FLYWCH1: variants seen among roughly 807,000 people sequenced by gnomAD.
FLYWCH1 encodes the protein FLYWCH-type zinc finger-containing protein 1.
In FLYWCH1, 75 loss-of-function variants were observed where a neutral mutation model predicts 66.4. The observed-to-expected ratio is 1.13, with a 90% CI of 0.94 to 1.37. The LOEUF is 1.37. Among genes scored for constraint, FLYWCH1 ranks in the 40% most tolerant of loss-of-function variants. The pLI, the probability that FLYWCH1 is intolerant of heterozygous loss-of-function variation, is 0.00. For missense variants in FLYWCH1, 1,334 were observed against 1,001.8 expected (o/e 1.33, Z -4.48); for synonymous variants, 595 against 429.9 (o/e 1.38, Z -4.75).
intron 6 of FLYWCH1, 149 bp downstream of exon 6, chr16:2,934,128 T>A: frequency 1.9e-6 from 2 of 1,060,638 alleles, no homozygotes; most frequent in Non-Finnish European, 2.6e-6. Context: ...GGCCTCCTAC[T>A]CCTTGGCCCC....
intron 4 of FLYWCH1, among the ~76,000 whole-genome samples, chr16:2,932,395 G>A (rs1040327543): frequency 6.6e-6 from 1 of 151,912 alleles, no homozygotes; most frequent in African/African-American, 2.4e-5. Context: ...CTTAATTTCT[G>A]GAGTTTCAGG....
Position 2,938,243 on chromosome 16 carries a change from G to A in FLYWCH1, c.1837G>A (p.Glu613Lys), listed in dbSNP as rs554175554. The A allele has an allele frequency of 6.8e-5, 110 of 1,613,232 alleles. No individual in the cohort carries two copies. Among genetic ancestry groups the A allele is most frequent in the East Asian group, 4.7e-4 (21 of 44,870 alleles). The stretch of plus-strand genomic sequence containing the variant: ...CCTGGGGGGCAGGTTCCTGGTGCAC[G>A]AGTCCTTCCTCTACAGGAAGGAGAA... Reference protein sequence around the residue: ...TSLGGRFLVHESFLYRKEKAA... With the variant: ...TSLGGRFLVHKSFLYRKEKAA... The change falls in exon 8 of 10, where the codon GAG becomes AAG. Residue 613 changes from glutamate (E) to lysine (K), a missense_variant. Glu to Lys is a moderately conservative substitution (Grantham distance 56, BLOSUM62 1). Transcript: ENST00000253928.
At chr16:2,927,659 T>C (rs1389083642) in intron 2 of FLYWCH1, among the ~76,000 whole-genome samples, 1 of 152,212 alleles carries the variant, frequency 6.6e-6, no homozygotes, top group Non-Finnish European at 1.5e-5. Flanking sequence ...TAAAAAAGAA[T>C]TCCCCGGCTG....
chr16:2,919,660 G>T (rs1287199343), intron 2 of FLYWCH1, among the ~76,000 whole-genome samples: 2 of 152,142 alleles, frequency 1.3e-5, no homozygotes, highest in African/African-American at 2.4e-5. Flanking sequence ...CTCCCAAGTG[G>T]CTGGGACTAC....
intron 2 of FLYWCH1, among the ~76,000 whole-genome samples, chr16:2,917,337 C>T (rs904222963): frequency 6.7e-6 from 1 of 149,624 alleles, no homozygotes; most frequent in Admixed American, 6.7e-5. Context: ...ACAAGCGATT[C>T]TCCTGCCTCA....
intron 9 of FLYWCH1, among the ~76,000 whole-genome samples, chr16:2,947,167 G>C (rs116672904): frequency 1.3e-5 from 2 of 152,164 alleles, no homozygotes; most frequent in Non-Finnish European, 2.9e-5. Flanking sequence ...AAGTACTGAC[G>C]CATGCTACAA....
At position 2,933,249 on chromosome 16, in the gene FLYWCH1, G is replaced by A. The variant is rs1431742503; in HGVS notation, c.916G>A (p.Asp306Asn). 1 of 1,613,570 alleles carries A rather than the reference G, an allele frequency of 6.2e-7. No homozygotes were observed. Among genetic ancestry groups the A allele is most frequent in the Admixed American group, 1.7e-5 (1 of 59,992 alleles). ...GGACAAGGTGTATTGGACCTGCCGG[G>A]ACCACGCGCTGCACGGCTGCCGGAG... ...VGDKVYWTCR[D>N]HALHGCRSRA... Residue 306 changes from aspartate to asparagine, a missense_variant, in exon 5 of 10, where the codon GAC becomes AAC. By Grantham distance (23) the Asp-to-Asn change is conservative. Transcript: ENST00000253928.
At chr16:2,913,867 A>ATT (rs35627188) in intron 1 of FLYWCH1, among the ~76,000 whole-genome samples, 16 of 151,420 alleles carry the variant, frequency 1.1e-4, no homozygotes, top group African/African-American at 2.4e-4. Flanking sequence ...TTAAAAAAAA[A>ATT]TTTTTTTAGT....
At chr16:2,917,476 A>G (rs978781337) in intron 2 of FLYWCH1, among the ~76,000 whole-genome samples, 45 of 151,910 alleles carry the variant, frequency 3.0e-4, no homozygotes, top group Non-Finnish European at 5.6e-4. Context: ...TGATCCGCCC[A>G]TCTCAGCCTC....
At chr16:2,919,418 A>G (rs1474404310) in intron 2 of FLYWCH1, among the ~76,000 whole-genome samples, 2 of 151,876 alleles carry the variant, frequency 1.3e-5, no homozygotes, top group African/African-American at 4.8e-5. Context: ...GGCATGCGCC[A>G]CCACACCCAG....
chr16:2,925,456 T>G (rs1266451721), intron 2 of FLYWCH1, among the ~76,000 whole-genome samples: 2 of 143,100 alleles, frequency 1.4e-5, no homozygotes, highest in East Asian at 4.8e-4. Context: ...TCAGTCCCAC[T>G]CAGTCCCACT....
At chr16:2,944,691 C>T (rs1460196390) in intron 9 of FLYWCH1, among the ~76,000 whole-genome samples, 2 of 150,780 alleles carry the variant, frequency 1.3e-5, no homozygotes, top group Non-Finnish European at 3.0e-5. Flanking sequence ...GGCATGGTGG[C>T]GCCAGCCTGT....
At chr16:2,939,976 G>C (rs1318679780) in intron 8 of FLYWCH1, 56 bp from the exon 9 acceptor site, 1 of 1,547,140 alleles carries the variant, frequency 6.5e-7, no homozygotes. Flanking sequence ...CCTTGGTTCT[G>C]TCAGCTTCAA....
chr16:2,944,936 G>T (rs928886657), intron 9 of FLYWCH1, among the ~76,000 whole-genome samples: 8 of 152,170 alleles, frequency 5.3e-5, no homozygotes, highest in African/African-American at 1.7e-4. Flanking sequence ...AGCTCTAAAT[G>T]TATTATTGTC....
intron 9 of FLYWCH1, among the ~76,000 whole-genome samples, chr16:2,946,407 C>T (rs2071489449): frequency 2.1e-5 from 3 of 146,224 alleles, no homozygotes; most frequent in South Asian, 2.2e-4. Context: ...CTGCAACCTC[C>T]GCCTCCCAGG....
chr16:2,942,224 G>C (rs1343487353), intron 9 of FLYWCH1, among the ~76,000 whole-genome samples: 4 of 152,078 alleles, frequency 2.6e-5, no homozygotes, highest in African/African-American at 4.8e-5. Flanking sequence ...CTGACACCCA[G>C]GCTGGAGTGC....
rs1207364140 is a variant in FLYWCH1, at chr16:2,929,965, C to G, written c.280C>G (p.Pro94Ala). ...PVEEQGGVVQ[P>A]ALEMPEQKCS... ...TGAGGAGCAGGGAGGGGTGGTCCAG[C>G]CAGCCCTAGAGATGCCTGAACAGAA... Residue 94 changes from proline to alanine, a missense_variant, in exon 3 of 10, where the codon CCA becomes GCA. Transcript: ENST00000253928. The G allele has an allele frequency of 6.2e-7, 1 of 1,612,874 alleles. No homozygotes were observed. Among genetic ancestry groups the G allele is most frequent in the Non-Finnish European group, 8.5e-7 (1 of 1,179,498 alleles).
At chr16:2,944,423 A>G (rs58606299) in intron 9 of FLYWCH1, among the ~76,000 whole-genome samples, 2,440 of 151,994 alleles carry the variant, frequency 0.016, 68 homozygotes, top group African/African-American at 0.057. Context: ...ATCACATACA[A>G]TTATGTATAG....
At chr16:2,938,524 GC>G (rs2071118005) in intron 8 of FLYWCH1, 68 bp downstream of exon 8, 12 of 1,436,144 alleles carry the variant, frequency 8.4e-6, no homozygotes, top group South Asian at 4.7e-5. Flanking sequence ...CAGAACTGAT[GC>G]CCCAGGCCAG....
Sources: allele counts gnomAD v4.1 joint callset (sites outside exome capture counted in the v4.1 genomes callset), GRCh38; gene constraint gnomAD v4.1.1; transcripts MANE v1.5; gene names NCBI Gene and HGNC (gene_info 2026-07-23, HGNC 2026-07-21).